The following LRP2 variants were observed in gnomAD, a reference collection of about 807,000 sequenced individuals.
LRP2 encodes the protein low-density lipoprotein receptor-related protein 2.
In LRP2, 172 loss-of-function variants were observed where a neutral mutation model predicts 531.0. The observed-to-expected ratio is 0.32, with a 90% CI of 0.29 to 0.37. The LOEUF (loss-of-function observed/expected upper bound fraction) is 0.37. LRP2 is among the 10% of genes least tolerant of loss of function. The pLI is 1.00. For missense variants in LRP2, 5,167 were observed against 5,868.3 expected (o/e 0.88, Z 3.90); for synonymous variants, 1,992 against 2,027.6 (o/e 0.98, Z 0.47).
Position 169,294,628 on chromosome 2 carries a change from G to A in LRP2, c.510C>T (p.Cys170=), listed in dbSNP as rs755271673. 1.0e-5 allele frequency: 16 copies of A among 1,606,928 alleles called. No individual in the cohort carries two copies. The highest frequency in any genetic ancestry group is 1.4e-5 in the Non-Finnish European group (16 of 1,177,366). ...AGTTGATTTCATCTGAGGAGTCCCT[G>A]CAATCAACTTTCCAATCACACTTCT... The part of the protein sequence containing the change: ...TSQKCDWKVD[C]RDSSDEINCT... The change falls in exon 5 of 79, where the codon TGC becomes TGT. Residue 170 remains cysteine (C), a synonymous_variant. Transcript: ENST00000649046.
chr2:169,177,101 A>G (rs911346759), intron 53 of LRP2, among the ~76,000 whole-genome samples: 4 of 152,228 alleles, frequency 2.6e-5, no homozygotes, highest in African/African-American at 9.6e-5. Flanking sequence ...ATTAACTTCC[A>G]GAAAGAAATA....
rs1231417165 is a variant in LRP2, at chr2:169,362,371, C to A, written c.29G>T (p.Cys10Phe). The change falls in exon 1 of 79, where the codon TGC becomes TTC. Residue 10 changes from cysteine (C) to phenylalanine (F), a missense_variant. Around this residue, in one of 6 missense-constraint regions of LRP2, gnomAD observed 2,811 missense variants for 3,058.0 expected, o/e 0.92. Transcript: ENST00000649046. ...GGCGACGAGAGCCAGGAGCAGCGTG[C>A]ACGCCACTGCTGCCGGCCCGCGATC... The part of the protein sequence containing the change: MDRGPAAVA[C>F]TLLLALVACL... 2 of 1,569,900 alleles carry A rather than the reference C, an allele frequency of 1.3e-6. No individual in the cohort carries two copies. The highest frequency in any genetic ancestry group is 2.3e-5 in the South Asian group (2 of 85,434).
intron 16 of LRP2, among the ~76,000 whole-genome samples, chr2:169,266,180 G>A (rs1038796566): frequency 6.6e-6 from 1 of 151,918 alleles, no homozygotes; most frequent in Non-Finnish European, 1.5e-5. Context: ...TAAGGAGAAT[G>A]GGGGGAGGGA....
At chr2:169,205,874 G>T (rs370371406) in intron 40 of LRP2, 149 bp downstream of exon 40, 17 of 1,149,498 alleles carry the variant, frequency 1.5e-5, no homozygotes, top group African/African-American at 1.4e-4. Context: ...TCCTTCCCAC[G>T]TAAAATCACT....
intron 14 of LRP2, among the ~76,000 whole-genome samples, chr2:169,273,667 G>T (rs1683480152): frequency 6.6e-6 from 1 of 152,136 alleles, no homozygotes; most frequent in Admixed American, 6.5e-5. Context: ...CACTCTCAAA[G>T]TAGTGACCTT....
intron 4 of LRP2, among the ~76,000 whole-genome samples, chr2:169,298,776 C>G (rs759534602): frequency 6.6e-6 from 1 of 151,750 alleles, no homozygotes; most frequent in Admixed American, 6.6e-5. Flanking sequence ...GGAAAAATAA[C>G]TTTCCAGAAG....
intron 1 of LRP2, among the ~76,000 whole-genome samples, chr2:169,361,517 T>C (rs1686164804): frequency 6.6e-6 from 1 of 152,044 alleles, no homozygotes; most frequent in African/African-American, 2.4e-5. Context: ...TTACTAGTTT[T>C]ATTCTCTCCG....
intron 2 of LRP2, among the ~76,000 whole-genome samples, chr2:169,320,320 G>A (rs1217294021): frequency 3.3e-5 from 5 of 152,114 alleles, no homozygotes; most frequent in Non-Finnish European, 7.4e-5. Flanking sequence ...CCAATTCTGT[G>A]ATTTCTTTAT....
chr2:169,161,316 A>C (rs958974101), intron 63 of LRP2, among the ~76,000 whole-genome samples: 7 of 152,198 alleles, frequency 4.6e-5, no homozygotes, highest in African/African-American at 1.7e-4. Context: ...ATGTATGTGA[A>C]AGCACTTTAT....
chr2:169,238,213 C>A lies in LRP2; in HGVS notation c.4384G>T (p.Val1462Phe), dbSNP rs746814009. Residue 1462 changes from valine (V) to phenylalanine (F), a missense_variant, in exon 27 of 79, where the codon GTC becomes TTC. This residue lies in a region of LRP2 where 2,811 missense variants were observed against 3,058.0 expected (regional missense o/e 0.92). Coordinates refer to ENST00000649046, the MANE Select transcript of LRP2 (RefSeq NM_004525.3). ...TSQVHNIYSLVENGSYIVAVD... is the reference protein window; with the variant it reads ...TSQVHNIYSLFENGSYIVAVD... Reference sequence around the variant, plus strand: ...GCTACAATGTAAGAACCATTCTCGACCAATGAATAGATATTGTGGACCTGG... The same window carrying A: ...GCTACAATGTAAGAACCATTCTCGAACAATGAATAGATATTGTGGACCTGG... 1 of 1,614,142 alleles carries A rather than the reference C, an allele frequency of 6.2e-7. No individual in the cohort carries two copies. The highest frequency in any genetic ancestry group is 8.5e-7 in the Non-Finnish European group (1 of 1,179,984).
In LRP2 at chr2:169,173,075, C is replaced by T. The variant is rs760078598; in HGVS notation, c.11143+21G>A. 13 of 1,614,044 alleles carry T rather than the reference C, an allele frequency of 8.1e-6. No homozygotes were observed. In the Admixed American group the frequency reaches 8.3e-5, roughly 10 times the overall value. On this transcript the variant is annotated intron_variant, in intron 57 of 78. Coordinates refer to ENST00000649046, the MANE Select transcript of LRP2 (RefSeq NM_004525.3). ...GTGCACTTTCTTGTCCCTCCCTCCA[C>T]TCCCCTGTGGCCCCTCCTACCACAG...
Position 169,289,037 on chromosome 2 carries a change from C to A in LRP2, c.1031G>T (p.Arg344Leu), listed in dbSNP as rs758214149. Reference protein sequence around the residue: ...PGYIINHNDSRTCVEFDDCQI... With the variant: ...PGYIINHNDSLTCVEFDDCQI... ...CCCCCATCACTTACCAACACAGGTACGGCTGTCATTGTGGTTGATGATATA... is the reference window on the plus strand; with the variant it reads ...CCCCCATCACTTACCAACACAGGTAAGGCTGTCATTGTGGTTGATGATATA... The change falls in exon 9 of 79, where the codon CGT becomes CTT. Residue 344 changes from arginine to leucine, a missense_variant. Around this residue, in one of 6 missense-constraint regions of LRP2, gnomAD observed 2,811 missense variants for 3,058.0 expected, o/e 0.92. Coordinates refer to ENST00000649046, the MANE Select transcript of LRP2 (RefSeq NM_004525.3). 1 of 1,613,880 alleles carries A rather than the reference C, an allele frequency of 6.2e-7. No homozygotes were observed. Among genetic ancestry groups the A allele is most frequent in the African/African-American group, 1.3e-5 (1 of 74,914 alleles).
At position 169,127,750 on chromosome 2, in the gene LRP2, G is replaced by A. The variant is rs894817325; in HGVS notation, c.*913C>T. ...ACCCAGTTGAGGCTTTACTTAACTG[G>A]TATTTTTTTTTTTTGCACCTTATTT... On this transcript the variant is annotated 3_prime_UTR_variant, in exon 79 of 79. Coordinates refer to ENST00000649046, the MANE Select transcript of LRP2 (RefSeq NM_004525.3). 2 of 70,266 alleles carry A rather than the reference G, an allele frequency of 2.8e-5. No homozygotes were observed. Among genetic ancestry groups the A allele is most frequent in the African/African-American group, 9.1e-5 (2 of 21,926 alleles). 4.4% of individuals were successfully genotyped at this position (70,266 alleles called of 1,614,324 possible).
chr2:169,150,397 T>A (rs994491409), intron 68 of LRP2, among the ~76,000 whole-genome samples: 1 of 152,218 alleles, frequency 6.6e-6, no homozygotes, highest in Admixed American at 6.5e-5. Context: ...TACACTGAGA[T>A]GATTTATAGA....
Position 169,146,976 on chromosome 2 carries a change from C to A in LRP2, c.12591-17G>T, listed in dbSNP as rs1382593880. The stretch of plus-strand genomic sequence containing the variant: ...AACATAAGCCTATAACAGAAGATTT[C>A]TTCACTGTAGCATCTCACCTGGTAA... On this transcript the variant is annotated splice_polypyrimidine_tract_variant and intron_variant, in intron 68 of 78. Coordinates refer to ENST00000649046, the MANE Select transcript of LRP2 (RefSeq NM_004525.3). The A allele has an allele frequency of 2.5e-6, 4 of 1,577,318 alleles. No homozygotes were observed. Among genetic ancestry groups the A allele is most frequent in the African/African-American group, 1.3e-5 (1 of 74,232 alleles).
At position 169,216,325 on chromosome 2, in the gene LRP2, G is replaced by A. The variant is rs575222955; in HGVS notation, c.5754C>T (p.Leu1918=). 7.4e-6 allele frequency: 12 copies of A among 1,613,640 alleles called. No individual in the cohort carries two copies. Among genetic ancestry groups the A allele is most frequent in the East Asian group, 2.2e-5 (1 of 44,872 alleles). The change falls in exon 35 of 79, where the codon CTC becomes CTT. Residue 1918 remains leucine, a synonymous_variant. Coordinates refer to ENST00000649046, the MANE Select transcript of LRP2 (RefSeq NM_004525.3). The part of the protein sequence containing the change: ...TSVKTLFTGN[L]EHLECVTLDI... Reference sequence around the variant, plus strand: ...CAAGAGTGACACACTCCAGGTGTTCGAGGTTCCCAGTAAAGAGAGTTTTCA... The same window carrying A: ...CAAGAGTGACACACTCCAGGTGTTCAAGGTTCCCAGTAAAGAGAGTTTTCA...
chr2:169,318,965 G>T, intron 2 of LRP2, 81 bp from the exon 3 acceptor site: 1 of 1,559,232 alleles, frequency 6.4e-7, no homozygotes, highest in Non-Finnish European at 8.8e-7. Context: ...CCAGAAGAGT[G>T]TATCATGTAA....
At chr2:169,358,572 A>G (rs746322501) in intron 1 of LRP2, among the ~76,000 whole-genome samples, 3 of 152,248 alleles carry the variant, frequency 2.0e-5, no homozygotes, top group Non-Finnish European at 4.4e-5. Flanking sequence ...TGATGGAATA[A>G]AAACGATACA....
chr2:169,318,706 A>G, intron 3 of LRP2, 56 bp downstream of exon 3: 3 of 1,612,952 alleles, frequency 1.9e-6, no homozygotes, highest in Non-Finnish European at 2.5e-6. Flanking sequence ...TCTTTGCGAC[A>G]GGTTGGGTTT....
Sources: allele counts gnomAD v4.1 joint callset (sites outside exome capture counted in the v4.1 genomes callset), GRCh38; gene constraint gnomAD v4.1.1; regional missense constraint gnomAD v4.1.1; transcripts MANE v1.5; gene names NCBI Gene and HGNC (gene_info 2026-07-23, HGNC 2026-07-21).